LRP1B: variants seen among roughly 807,000 people sequenced by gnomAD.
LRP1B encodes the protein LDL receptor related protein 1B.
Under a neutral mutation model 556.6 loss-of-function variants are expected in LRP1B, and 217 were observed. The observed-to-expected ratio is 0.39, with a 90% CI of 0.35 to 0.44. LRP1B has a LOEUF of 0.44. LRP1B is among the 20% of genes least tolerant of loss of function. The pLI is 1.00. For synonymous variants in LRP1B, 2,047 were observed against 1,865.8 expected, an observed-to-expected ratio of 1.10 and a Z score of -2.50; for missense variants, 5,053 against 5,620.8, an observed-to-expected ratio of 0.90 and a Z score of 3.23.
chr2:141,710,959 C>T (rs1447079184), intron 2 of LRP1B, among the ~76,000 whole-genome samples: 1 of 152,102 alleles, frequency 6.6e-6, no homozygotes, highest in Admixed American at 6.6e-5. Flanking sequence ...TTATTTTCTT[C>T]TTTTATTTGT....
intron 3 of LRP1B, among the ~76,000 whole-genome samples, chr2:141,289,777 T>C (rs1021337892): frequency 6.6e-6 from 1 of 152,128 alleles, no homozygotes; most frequent in African/African-American, 2.4e-5. Context: ...GTGTTTATAG[T>C]TTGGGGGACA....
intron 46 of LRP1B, among the ~76,000 whole-genome samples, chr2:140,534,554 T>C (rs981222888): frequency 1.3e-5 from 2 of 152,146 alleles, no homozygotes; most frequent in Admixed American, 6.6e-5. Context: ...AATAAGGAAA[T>C]AAAGCAACAA....
intron 47 of LRP1B, among the ~76,000 whole-genome samples, chr2:140,530,364 C>A (rs904308413): frequency 1.5e-4 from 23 of 152,200 alleles, no homozygotes; most frequent in Non-Finnish European, 2.4e-4. Flanking sequence ...CTTTTCCATT[C>A]TCCCTGAGCC....
At chr2:140,616,179 T>C (rs545784319) in intron 41 of LRP1B, among the ~76,000 whole-genome samples, 1 of 151,962 alleles carries the variant, frequency 6.6e-6, no homozygotes, top group African/African-American at 2.4e-5. Context: ...TTCCCTGTAG[T>C]TATTAGCAGT....
chr2:140,759,087 C>T (rs747415466), intron 35 of LRP1B, among the ~76,000 whole-genome samples: 19 of 152,040 alleles, frequency 1.2e-4, no homozygotes, highest in South Asian at 6.2e-4. Flanking sequence ...GATACAATAC[C>T]GTCTACATTT....
At chr2:141,609,425 A>G (rs1688028289) in intron 2 of LRP1B, among the ~76,000 whole-genome samples, 1 of 152,154 alleles carries the variant, frequency 6.6e-6, no homozygotes, top group African/African-American at 2.4e-5. Context: ...CTAACATAAT[A>G]TTTTCATGTT....
intron 3 of LRP1B, among the ~76,000 whole-genome samples, chr2:141,475,434 C>T (rs1281828295): frequency 2.0e-5 from 3 of 152,202 alleles, no homozygotes; most frequent in Middle Eastern, 3.4e-3. Context: ...AAAAACAAGG[C>T]TTCTCTTGCT....
rs752845678 is a variant in LRP1B, at chr2:140,475,140, T to C, written c.9623A>G (p.Lys3208Arg). 1.3e-6 allele frequency: 2 copies of C among 1,553,676 alleles called. No individual in the cohort carries two copies. Among genetic ancestry groups the C allele is most frequent in the South Asian group, 1.2e-5 (1 of 80,936 alleles). ...AATATTTATGTTACTGGACCAACCT[T>C]TGTGTCTATGAGATCCATCCATGTT... ...FSNMDGSHRHKVPNQDIPGVI... is the reference protein window; with the variant it reads ...FSNMDGSHRHRVPNQDIPGVI... The change falls in exon 60 of 91, where the codon AAA becomes AGA. Residue 3208 changes from lysine (K) to arginine (R), a missense_variant and splice_region_variant. Lys to Arg is a conservative substitution (Grantham distance 26). Coordinates refer to ENST00000389484, the MANE Select transcript of LRP1B (RefSeq NM_018557.3).
At chr2:141,021,617 A>T (rs1258149163) in intron 11 of LRP1B, among the ~76,000 whole-genome samples, 1 of 151,998 alleles carries the variant, frequency 6.6e-6, no homozygotes, top group Non-Finnish European at 1.5e-5. Context: ...GGTTTTCAAA[A>T]ATTGAATTAC....
intron 1 of LRP1B, among the ~76,000 whole-genome samples, chr2:141,960,771 A>G (rs1701381289): frequency 1.3e-5 from 2 of 152,008 alleles, no homozygotes; most frequent in Admixed American, 1.3e-4. Context: ...CTTTCTATAC[A>G]TTAAATAAAA....
At chr2:141,138,281 G>C (rs368439554) in intron 7 of LRP1B, among the ~76,000 whole-genome samples, 1 of 151,858 alleles carries the variant, frequency 6.6e-6, no homozygotes, top group East Asian at 1.9e-4. Context: ...ATAGATAACG[G>C]GATTTTATAA....
intron 41 of LRP1B, among the ~76,000 whole-genome samples, chr2:140,631,418 A>G (rs1683879233): frequency 6.6e-6 from 1 of 152,268 alleles, no homozygotes; most frequent in South Asian, 2.1e-4. Flanking sequence ...TGAAAAAAGT[A>G]GACAATATTC....
chr2:140,385,196 G>T (rs1683704713), intron 67 of LRP1B, among the ~76,000 whole-genome samples: 1 of 152,088 alleles, frequency 6.6e-6, no homozygotes, highest in Non-Finnish European at 1.5e-5. Context: ...AGTGAGTCAT[G>T]ATCATGCCAC....
At position 140,487,647 on chromosome 2, in the gene LRP1B, A is replaced by G; in HGVS notation, c.9213T>C (p.Asn3071=). ...DSSRPNGSRI[N]RMCLNGSDIK... ...TGTCACTTCCATTTAAACACATTCT[A>G]TTTATGCGACTGCCATTGGGTCGGC... is the stretch of plus-strand genomic sequence containing the variant. The change falls in exon 58 of 91, where the codon AAT becomes AAC. Residue 3071 remains asparagine (N), a synonymous_variant. Coordinates refer to ENST00000389484, the MANE Select transcript of LRP1B (RefSeq NM_018557.3). The G allele has an allele frequency of 3.1e-6, 5 of 1,608,962 alleles. No homozygotes were observed. The highest frequency in any genetic ancestry group is 4.2e-6 in the Non-Finnish European group (5 of 1,176,984).
intron 34 of LRP1B, among the ~76,000 whole-genome samples, chr2:140,770,165 C>T (rs1689257876): frequency 6.6e-6 from 1 of 151,836 alleles, no homozygotes; most frequent in African/African-American, 2.4e-5. Context: ...AAGAGAACTA[C>T]CTCATGAGGT....
At chr2:141,186,016 T>G (rs1280811603) in intron 7 of LRP1B, among the ~76,000 whole-genome samples, 1 of 135,460 alleles carries the variant, frequency 7.4e-6, no homozygotes, top group African/African-American at 2.8e-5. Context: ...GAGGCAGAGG[T>G]TGCAGTGAGA....
intron 3 of LRP1B, among the ~76,000 whole-genome samples, chr2:141,344,906 A>G (rs1340459411): frequency 6.6e-6 from 1 of 152,212 alleles, no homozygotes; most frequent in Admixed American, 6.5e-5. Context: ...CCTGGGACCT[A>G]GAAATCTGTT....
intron 7 of LRP1B, among the ~76,000 whole-genome samples, chr2:141,141,211 C>A (rs114717007): frequency 6.6e-6 from 1 of 152,078 alleles, no homozygotes; most frequent in African/African-American, 2.4e-5. Context: ...GGTTAATCGT[C>A]GGACAAATCA....
At chr2:141,106,530 C>T (rs751134820) in intron 7 of LRP1B, among the ~76,000 whole-genome samples, 1 of 147,150 alleles carries the variant, frequency 6.8e-6, no homozygotes, top group Non-Finnish European at 1.5e-5. Context: ...CTGAAGAATT[C>T]AGAAGTAAAT....
Sources: gnomAD v4.1 joint callset for allele counts (sites outside exome capture counted in the v4.1 genomes callset) on GRCh38, gnomAD v4.1.1 for gene constraint, MANE v1.5 for transcripts, NCBI Gene and HGNC (gene_info 2026-07-23, HGNC 2026-07-21) for gene names.